Variants in EEA1 observed in about 807,000 individuals in gnomAD.
EEA1 encodes the protein early endosome antigen 1, also known as early endosome antigen 1, 162kD.
A neutral mutation model predicts 209.2 loss-of-function variants in EEA1; 111 were observed. That is an observed-to-expected ratio of 0.53 (90% CI 0.45 to 0.62). EEA1 has a LOEUF of 0.62. Ranked by LOEUF, EEA1 falls within the 20% of genes least tolerant of loss-of-function variation. The pLI is 0.00. For synonymous variants in EEA1, 536 were observed against 540.6 expected (o/e 0.99, Z 0.12); for missense variants, 1,343 against 1,530.8 (o/e 0.88, Z 2.05).
chr12:92,883,659 T>C, intron 2 of EEA1: 1 of 628,138 alleles, frequency 1.6e-6, no homozygotes, highest in Non-Finnish European at 2.8e-6. Flanking sequence ...ATATTTTCTT[T>C]TCTCTATCTT....
At position 92,809,044 on chromosome 12, in the gene EEA1, C is replaced by T. The variant is rs376653951; in HGVS notation, c.2312G>A (p.Ser771Asn). The T allele has an allele frequency of 3.1e-6, 5 of 1,600,190 alleles. No individual in the cohort carries two copies. Among genetic ancestry groups the T allele is most frequent in the Non-Finnish European group, 4.3e-6 (5 of 1,173,122 alleles). Residue 771 changes from serine to asparagine, a missense_variant, in exon 18 of 29, where the codon AGT becomes AAT. Ser to Asn is a conservative substitution (Grantham distance 46). This residue lies in a region of EEA1 where 1,307 missense variants were observed against 1,465.5 expected (regional missense o/e 0.89). Transcript: ENST00000322349. Reference sequence around the variant, plus strand: ...TTCCTTCTCCATTTCAAGTTGTTTACTCAATTCTGTGGCTCTGAGCTCTAA... The same window carrying T: ...TTCCTTCTCCATTTCAAGTTGTTTATTCAATTCTGTGGCTCTGAGCTCTAA... ...TDLELRATEL[S>N]KQLEMEKEIV...
At chr12:92,781,076 A>G (rs1379186669) in intron 23 of EEA1, among the ~76,000 whole-genome samples, 2 of 151,990 alleles carry the variant, frequency 1.3e-5, no homozygotes, top group African/African-American at 4.8e-5. Flanking sequence ...ATGCCCAGCT[A>G]AATTTTTTTT....
At chr12:92,837,498 G>A (rs915146186) in intron 10 of EEA1, among the ~76,000 whole-genome samples, 4 of 152,152 alleles carry the variant, frequency 2.6e-5, no homozygotes, top group East Asian at 1.9e-4. Flanking sequence ...GGAGAAAAGC[G>A]ATGAAGGATG....
At chr12:92,813,858 C>T (rs1313857723) in intron 15 of EEA1, among the ~76,000 whole-genome samples, 3 of 151,900 alleles carry the variant, frequency 2.0e-5, no homozygotes, top group Non-Finnish European at 4.4e-5. Flanking sequence ...ACTAAAAATA[C>T]AAAAATTAGC....
At position 92,788,132 on chromosome 12, in the gene EEA1, G is replaced by T. The variant is rs1592701993; in HGVS notation, c.2968-83C>A. 2.1e-5 allele frequency: 26 copies of T among 1,213,962 alleles called. No individual in the cohort carries two copies. The Middle Eastern group carries it at 1.1e-3, about 52-fold the overall frequency. 75.2% of individuals were successfully genotyped at this position (1,213,962 alleles called of 1,614,324 possible). A position where few individuals can be genotyped will look rare whatever the true frequency, so the allele number is the denominator to read the frequency against. On this transcript the variant is annotated intron_variant, in intron 21 of 28. Coordinates refer to ENST00000322349, the MANE Select transcript of EEA1 (RefSeq NM_003566.4). ...TAAAGTAAAATCCAGACAACTAGAA[G>T]AAAATTCCAAACAATAAGATGAACT...
At chr12:92,861,253 C>T (rs1403868622) in intron 3 of EEA1, among the ~76,000 whole-genome samples, 3 of 152,228 alleles carry the variant, frequency 2.0e-5, no homozygotes, top group African/African-American at 7.2e-5. Context: ...GTCAGGAGTT[C>T]GAGACCAGCC....
chr12:92,872,383 C>T (rs1456924199), intron 2 of EEA1, among the ~76,000 whole-genome samples: 3 of 152,118 alleles, frequency 2.0e-5, no homozygotes, highest in Non-Finnish European at 4.4e-5. Context: ...ATAACAAATA[C>T]TTTTATGTCA....
At chr12:92,852,065 T>C in intron 8 of EEA1, 110 bp downstream of exon 8, 3 of 863,322 alleles carry the variant, frequency 3.5e-6, no homozygotes, top group Non-Finnish European at 3.3e-6. Context: ...ATTGCTTATT[T>C]CCTGATTTCA....
chr12:92,900,170 C>G (rs558092956), intron 1 of EEA1, among the ~76,000 whole-genome samples: 44 of 152,276 alleles, frequency 2.9e-4, no homozygotes, highest in African/African-American at 1.0e-3. Context: ...TGGTAGTTAG[C>G]ACCCTGACTG....
intron 1 of EEA1, among the ~76,000 whole-genome samples, chr12:92,892,065 A>T (rs536469930): frequency 1.3e-5 from 2 of 152,280 alleles, no homozygotes; most frequent in East Asian, 3.9e-4. Context: ...TAAAGCAGGA[A>T]GTGACTTGTT....
At chr12:92,852,414 C>T (rs1424722331) in intron 7 of EEA1, 118 bp from the exon 8 acceptor site, 1 of 575,420 alleles carries the variant, frequency 1.7e-6, no homozygotes, top group African/African-American at 2.0e-5. Flanking sequence ...CCTTAGATAA[C>T]CATAAATATA....
rs11106738 is a variant in EEA1, at chr12:92,902,338, G to T, written c.25-10617C>A. On this transcript the variant is annotated intron_variant, in intron 1 of 28. Transcript: ENST00000322349. ...TAGAGGCAGCTAAGTTCAGTAATAAGAACCAAAAACGCCCTGGATGCGCAA... is the reference window on the plus strand; with the variant it reads ...TAGAGGCAGCTAAGTTCAGTAATAATAACCAAAAACGCCCTGGATGCGCAA... 1.5e-3 allele frequency among the ~76,000 whole-genome samples: 223 copies of T among 152,314 alleles called. 1 individual carries two copies. Among genetic ancestry groups the T allele is most frequent in the African/African-American group, 5.2e-3 (216 of 41,572 alleles).
chr12:92,885,826 C>T (rs1003335953), intron 2 of EEA1, among the ~76,000 whole-genome samples: 1 of 152,156 alleles, frequency 6.6e-6, no homozygotes, highest in African/African-American at 2.4e-5. Context: ...GCAGTTCAAA[C>T]CTGTGTTGTT....
chr12:92,898,721 CTTTTTTTCCCTTTTTTTTTTTTT>C (rs1880014341), intron 1 of EEA1, among the ~76,000 whole-genome samples: 3 of 133,584 alleles, frequency 2.2e-5, no homozygotes, highest in Non-Finnish European at 4.8e-5. Context: ...TTTTTTTTTC[CTTTTTTTCCCTTTTTTTTTTTTT>C]TTTTTTTTTT....
chr12:92,853,091 A>C, intron 6 of EEA1, 66 bp from the exon 7 acceptor site: 1 of 1,043,070 alleles, frequency 9.6e-7, no homozygotes, highest in Non-Finnish European at 1.4e-6. Flanking sequence ...GTTATTACTT[A>C]TATTTATTAC....
chr12:92,853,769 A>AG (rs1346786235), intron 6 of EEA1, 146 bp downstream of exon 6: 1 of 554,586 alleles, frequency 1.8e-6, no homozygotes, highest in Non-Finnish European at 3.0e-6. Context: ...CTCTACACCT[A>AG]GAATATGACC....
At chr12:92,793,148 C>G (rs1472786368) in intron 21 of EEA1, among the ~76,000 whole-genome samples, 1 of 151,986 alleles carries the variant, frequency 6.6e-6, no homozygotes, top group Non-Finnish European at 1.5e-5. Context: ...ACAAGAACTA[C>G]TTATAGTAAA....
At chr12:92,839,512 T>C (rs1254835930) in intron 10 of EEA1, among the ~76,000 whole-genome samples, 1 of 152,182 alleles carries the variant, frequency 6.6e-6, no homozygotes, top group Non-Finnish European at 1.5e-5. Flanking sequence ...TATACTACAA[T>C]AGATTTAATG....
intron 9 of EEA1, among the ~76,000 whole-genome samples, chr12:92,850,273 C>T (rs888584930): frequency 2.0e-5 from 3 of 152,128 alleles, no homozygotes; most frequent in African/African-American, 7.2e-5. Context: ...AATATGCACA[C>T]CGTACACCAC....
Sources: allele counts gnomAD v4.1 joint callset (sites outside exome capture counted in the v4.1 genomes callset), GRCh38; gene constraint gnomAD v4.1.1; regional missense constraint gnomAD v4.1.1; transcripts MANE v1.5; gene names NCBI Gene and HGNC (gene_info 2026-07-23, HGNC 2026-07-21).